CCSER1: variants seen among roughly 807,000 people sequenced by gnomAD.
The protein encoded by CCSER1 is coiled-coil serine rich protein 1, also known as serine-rich coiled-coil domain-containing protein 1.
In CCSER1, 41 loss-of-function variants were observed where a neutral mutation model predicts 82.0. That is an observed-to-expected ratio of 0.50 (90% CI 0.39 to 0.65). The LOEUF (loss-of-function observed/expected upper bound fraction) is 0.65. CCSER1 is among the 30% of genes least tolerant of loss of function. The probability of loss-of-function intolerance (pLI) is 0.00; values close to 1 mark genes in which losing one functional copy is unlikely to be tolerated. For missense variants in CCSER1, 1,119 were observed against 1,064.2 expected, an observed-to-expected ratio of 1.05 and a Z score of -0.72; for synonymous variants, 414 against 383.9, an observed-to-expected ratio of 1.08 and a Z score of -0.92.
rs367699543 is a variant in CCSER1 at position 90,796,543 on chromosome 4, C to G, written c.2011-19219C>G. 2.6e-5 allele frequency among the ~76,000 whole-genome samples: 4 copies of G among 151,352 alleles called. No individual in the cohort carries two copies. In the South Asian group the frequency reaches 8.4e-4, roughly 32 times the overall value. ...CTGCTAGCTTTGTGATTTGTTTCCT[C>G]TTGATTTTCTACTTCTTTTAGTTGT... is the stretch of plus-strand genomic sequence containing the variant. On this transcript the variant is annotated intron_variant, in intron 7 of 10. Coordinates refer to ENST00000509176, the MANE Select transcript of CCSER1 (RefSeq NM_001145065.2).
At chr4:90,203,350 T>TC (rs1738130816) in intron 1 of CCSER1, among the ~76,000 whole-genome samples, 1 of 152,100 alleles carries the variant, frequency 6.6e-6, no homozygotes, top group African/African-American at 2.4e-5. Context: ...CTCTCCTAGC[T>TC]CCCCACCACC....
intron 10 of CCSER1, among the ~76,000 whole-genome samples, chr4:91,531,691 T>C (rs1024060474): frequency 2.6e-5 from 4 of 152,166 alleles, no homozygotes; most frequent in African/African-American, 9.7e-5. Context: ...AACAATTCAA[T>C]GTTGGGAAAG....
At chr4:90,276,205 T>TCTTC (rs2153457238) in intron 1 of CCSER1, among the ~76,000 whole-genome samples, 1 of 52,464 alleles carries the variant, frequency 1.9e-5, no homozygotes, top group South Asian at 8.0e-4. Context: ...TTTCTTTCTT[T>TCTTC]CTTTCTTTCT....
At chr4:90,902,061 T>A (rs1356577805) in intron 8 of CCSER1, among the ~76,000 whole-genome samples, 3 of 151,908 alleles carry the variant, frequency 2.0e-5, no homozygotes, top group Non-Finnish European at 4.4e-5. Context: ...TTCTTCTGCT[T>A]GATCTAGGCT....
At chr4:90,209,922 G>T (rs1040757397) in intron 1 of CCSER1, among the ~76,000 whole-genome samples, 1 of 151,474 alleles carries the variant, frequency 6.6e-6, no homozygotes, top group African/African-American at 2.4e-5. Flanking sequence ...GTTTTGTTTT[G>T]GTTTGGTTTG....
chr4:90,533,205 C>T (rs1327890510), intron 5 of CCSER1, among the ~76,000 whole-genome samples: 1 of 150,938 alleles, frequency 6.6e-6, no homozygotes, highest in Non-Finnish European at 1.5e-5. Flanking sequence ...CATTCTCCTG[C>T]CTCACCCTCC....
chr4:91,093,711 C>T (rs957744137), intron 10 of CCSER1, among the ~76,000 whole-genome samples: 6 of 152,196 alleles, frequency 3.9e-5, no homozygotes, highest in African/African-American at 1.4e-4. Context: ...CTTTCTGACA[C>T]ATAGAGTGTA....
At chr4:91,062,647 A>G (rs1272938301) in intron 9 of CCSER1, among the ~76,000 whole-genome samples, 1 of 152,026 alleles carries the variant, frequency 6.6e-6, no homozygotes, top group Non-Finnish European at 1.5e-5. Flanking sequence ...TAATATTGTC[A>G]TTTTAGTCCT....
chr4:90,290,860 A>G (rs1404194929), intron 1 of CCSER1, among the ~76,000 whole-genome samples: 17 of 152,046 alleles, frequency 1.1e-4, no homozygotes, highest in Non-Finnish European at 1.3e-4. Context: ...ATTATTTTGC[A>G]ATATTATATG....
At chr4:90,670,931 A>G (rs1285565816) in intron 6 of CCSER1, among the ~76,000 whole-genome samples, 1 of 152,098 alleles carries the variant, frequency 6.6e-6, no homozygotes, top group African/African-American at 2.4e-5. Flanking sequence ...AGCAAAGCAA[A>G]TATCTTAATA....
intron 9 of CCSER1, among the ~76,000 whole-genome samples, chr4:91,043,580 CT>C (rs1742166124): frequency 7.5e-6 from 1 of 132,710 alleles, no homozygotes; most frequent in Non-Finnish European, 1.5e-5. Flanking sequence ...TAGCATCAGC[CT>C]TCTTTTTTTT....
intron 5 of CCSER1, among the ~76,000 whole-genome samples, chr4:90,493,413 T>C (rs1055158102): frequency 6.6e-6 from 1 of 151,984 alleles, no homozygotes. Context: ...AATACAGAGA[T>C]GCCACAAAGA....
chr4:90,333,898 A>G (rs574412834), intron 3 of CCSER1, among the ~76,000 whole-genome samples: 3 of 152,344 alleles, frequency 2.0e-5, no homozygotes, highest in South Asian at 2.1e-4. Context: ...AAACATTTGT[A>G]TCATCATTGG....
At chr4:90,401,094 A>C (rs941584740) in intron 4 of CCSER1, among the ~76,000 whole-genome samples, 45 of 152,206 alleles carry the variant, frequency 3.0e-4, no homozygotes, top group Non-Finnish European at 5.6e-4. Context: ...ATCAATTGTC[A>C]AAAGAAGGCA....
intron 10 of CCSER1, among the ~76,000 whole-genome samples, chr4:91,486,299 GA>G (rs1302313646): frequency 2.6e-5 from 4 of 151,702 alleles, no homozygotes; most frequent in African/African-American, 9.7e-5. Context: ...TCTTTCTCCT[GA>G]AAAAAAATTA....
intron 9 of CCSER1, among the ~76,000 whole-genome samples, chr4:90,975,212 AG>A (rs1735497334): frequency 6.6e-6 from 1 of 151,340 alleles, no homozygotes; most frequent in Non-Finnish European, 1.5e-5. Context: ...GGTTAAGAGA[AG>A]GGAGAGTAGG....
chr4:91,085,727 A>G (rs1444614046), intron 9 of CCSER1, among the ~76,000 whole-genome samples: 1 of 152,040 alleles, frequency 6.6e-6, no homozygotes, highest in Non-Finnish European at 1.5e-5. Context: ...ATTTTTACTT[A>G]TGATGTAGGG....
intron 10 of CCSER1, among the ~76,000 whole-genome samples, chr4:91,115,861 T>TATATATATATATATATA (rs757901995): frequency 1.5e-5 from 2 of 133,558 alleles, no homozygotes; most frequent in African/African-American, 5.7e-5. Context: ...ATATATATAT[T>TATATATATATATATATA]TTTTTTTATT....
At chr4:90,804,481 T>C (rs11737185) in intron 7 of CCSER1, among the ~76,000 whole-genome samples, 39,233 of 151,876 alleles carry the variant, frequency 0.26, 5,493 homozygotes, top group East Asian at 0.41. Context: ...ATATTTTCCC[T>C]ATTGCTTGTT....
Sources: allele counts gnomAD v4.1 joint callset (sites outside exome capture counted in the v4.1 genomes callset), GRCh38; gene constraint gnomAD v4.1.1; transcripts MANE v1.5; gene names NCBI Gene and HGNC (gene_info 2026-07-23, HGNC 2026-07-21).